Variants in DCC observed in about 807,000 individuals in gnomAD.
The protein encoded by DCC is netrin receptor DCC.
DCC carries 58 observed loss-of-function variants against 172.5 expected under a neutral mutation model. The observed-to-expected ratio is 0.34, with a 90% confidence interval of 0.27 to 0.42. The LOEUF is 0.42. Ranked by LOEUF, DCC falls within the 10% of genes least tolerant of loss-of-function variation. The pLI is 1.00. For synonymous variants in DCC, 709 were observed against 644.5 expected (o/e 1.10, Z -1.52); for missense variants, 1,740 against 1,791.0 (o/e 0.97, Z 0.51).
rs2043370216 is a variant in DCC at position 53,113,734 on chromosome 18, A to G, written c.1262-43622A>G. ...CCTGCTTTTTTTTTTAAGAAATAGT[A>G]TATGCATTTCTTGTCTTAACAAACT... On this transcript the variant is annotated intron_variant, in intron 7 of 28. Coordinates refer to ENST00000442544, the MANE Select transcript of DCC (RefSeq NM_005215.4). Among the ~76,000 whole-genome samples the G allele has an allele frequency of 2.6e-5, 4 of 151,308 alleles. No homozygotes were observed. In the South Asian group the frequency reaches 8.3e-4, roughly 31 times the overall value.
intron 1 of DCC, among the ~76,000 whole-genome samples, chr18:52,589,353 A>G (rs1376963030): frequency 6.6e-6 from 1 of 152,240 alleles, no homozygotes; most frequent in East Asian, 1.9e-4. Flanking sequence ...CTACTTTTAC[A>G]AAATGAATGT....
At chr18:52,919,635 CTT>C (rs11309864) in intron 3 of DCC, among the ~76,000 whole-genome samples, 10 of 148,508 alleles carry the variant, frequency 6.7e-5, no homozygotes, top group Admixed American at 2.0e-4. Context: ...GTCGATGGTT[CTT>C]TTTTTTTTTG....
chr18:52,845,674 A>C (rs1749139459), intron 2 of DCC, among the ~76,000 whole-genome samples: 1 of 152,224 alleles, frequency 6.6e-6, no homozygotes, highest in African/African-American at 2.4e-5. Context: ...TAGAGCCATG[A>C]ACATTAACTC....
chr18:53,356,514 A>G (rs1447125308), intron 15 of DCC, among the ~76,000 whole-genome samples: 1 of 152,154 alleles, frequency 6.6e-6, no homozygotes, highest in East Asian at 1.9e-4. Flanking sequence ...AGATGTTACT[A>G]GAGTACTGGG....
intron 1 of DCC, among the ~76,000 whole-genome samples, chr18:52,568,948 A>G (rs548320695): frequency 7.7e-4 from 118 of 152,336 alleles, no homozygotes; most frequent in Non-Finnish European, 5.4e-4. Flanking sequence ...ATTTAAAAAT[A>G]TATTTGTTTG....
At chr18:52,652,269 CT>C (rs1568275726) in intron 1 of DCC, among the ~76,000 whole-genome samples, 2 of 152,124 alleles carry the variant, frequency 1.3e-5, no homozygotes, top group African/African-American at 4.8e-5. Flanking sequence ...CCCATGGGCA[CT>C]TGGAGACTAG....
chr18:53,126,552 T>C (rs1418529902), intron 7 of DCC, among the ~76,000 whole-genome samples: 1 of 152,180 alleles, frequency 6.6e-6, no homozygotes, highest in African/African-American at 2.4e-5. Flanking sequence ...AAAGTGGAGC[T>C]ATTTTGGAAT....
intron 5 of DCC, among the ~76,000 whole-genome samples, chr18:53,017,116 C>G (rs139844193): frequency 2.1e-5 from 3 of 142,806 alleles, no homozygotes; most frequent in Non-Finnish European, 3.0e-5. Context: ...CTCACTGTTA[C>G]CCAGGCTGGA....
At chr18:52,357,773 A>G (rs1012537455) in intron 1 of DCC, among the ~76,000 whole-genome samples, 2 of 151,980 alleles carry the variant, frequency 1.3e-5, no homozygotes, top group Non-Finnish European at 2.9e-5. Context: ...CGTCTCTACT[A>G]AAAATACAAA....
chr18:53,042,722 T>C lies in DCC; in HGVS notation c.986-20583T>C, dbSNP rs568965876. The stretch of plus-strand genomic sequence containing the variant: ...CACATGAAGAAAAGCCCATCATCTC[T>C]GGTCATTACAGAAATGCAAATCAAA... On this transcript the variant is annotated intron_variant, in intron 5 of 28. Coordinates refer to ENST00000442544, the MANE Select transcript of DCC (RefSeq NM_005215.4). Among the ~76,000 whole-genome samples, 3 of 152,170 alleles carry C rather than the reference T, an allele frequency of 2.0e-5. No individual in the cohort carries two copies. In the South Asian group the frequency reaches 6.2e-4, roughly 32 times the overall value.
chr18:52,879,473 G>T (rs1000927788), intron 2 of DCC, among the ~76,000 whole-genome samples: 1 of 126,440 alleles, frequency 7.9e-6, no homozygotes, highest in Non-Finnish European at 1.6e-5. Flanking sequence ...GCCCAGGCTG[G>T]AGTGCAGTGG....
At chr18:53,114,460 A>G (rs2043381546) in intron 7 of DCC, among the ~76,000 whole-genome samples, 1 of 151,558 alleles carries the variant, frequency 6.6e-6, no homozygotes, top group Non-Finnish European at 1.5e-5. Context: ...TATAAAGCAA[A>G]CTCAAAAAGT....
At position 52,905,350 on chromosome 18, in the gene DCC, T is replaced by C. The variant is rs973622522; in HGVS notation, c.413-694T>C. 8.5e-5 allele frequency among the ~76,000 whole-genome samples: 13 copies of C among 152,206 alleles called. No homozygotes were observed. The East Asian group carries it at 2.5e-3, about 29-fold the overall frequency. The stretch of plus-strand genomic sequence containing the variant: ...TACCCCATTTCATGGCCCAAAGAAA[T>C]GAAACAAGTTTCCAAAGTATTCATA... On this transcript the variant is annotated intron_variant, in intron 2 of 28. Transcript: ENST00000442544.
intron 15 of DCC, among the ~76,000 whole-genome samples, chr18:53,382,726 T>C (rs1907862953): frequency 6.6e-6 from 1 of 152,122 alleles, no homozygotes; most frequent in African/African-American, 2.4e-5. Context: ...ACAACATACA[T>C]TTTCAAAAAA....
intron 27 of DCC, among the ~76,000 whole-genome samples, chr18:53,508,743 C>T (rs1474821294): frequency 6.6e-6 from 1 of 152,166 alleles, no homozygotes; most frequent in African/African-American, 2.4e-5. Flanking sequence ...TTTTCATCAC[C>T]TTATGAGAGA....
chr18:53,459,688 T>G (rs2045527589), intron 24 of DCC, among the ~76,000 whole-genome samples: 1 of 152,228 alleles, frequency 6.6e-6, no homozygotes, highest in Admixed American at 6.5e-5. Flanking sequence ...TGATAATTCT[T>G]GAATTTTCTA....
intron 1 of DCC, among the ~76,000 whole-genome samples, chr18:52,625,666 A>G (rs1049145674): frequency 3.3e-5 from 5 of 152,146 alleles, no homozygotes; most frequent in South Asian, 2.1e-4. Flanking sequence ...TCTCCTTAAT[A>G]CCTGCTCCTA....
intron 1 of DCC, among the ~76,000 whole-genome samples, chr18:52,455,985 A>G (rs1321269224): frequency 6.6e-6 from 1 of 152,210 alleles, no homozygotes. Context: ...CAAACAAACA[A>G]ACAAAAAAAG....
At chr18:53,335,996 C>T (rs373804437) in intron 14 of DCC, among the ~76,000 whole-genome samples, 1 of 152,124 alleles carries the variant, frequency 6.6e-6, no homozygotes, top group Non-Finnish European at 1.5e-5. Context: ...CAACGGGTAC[C>T]TCCCACAACA....
Sources: allele counts gnomAD v4.1 joint callset (sites outside exome capture counted in the v4.1 genomes callset), GRCh38; gene constraint gnomAD v4.1.1; transcripts MANE v1.5; gene names NCBI Gene and HGNC (gene_info 2026-07-23, HGNC 2026-07-21).